CELF2: variants seen among roughly 807,000 people sequenced by gnomAD.
The protein encoded by CELF2 is CUGBP Elav-like family member 2.
CELF2 carries 8 observed loss-of-function variants against 62.6 expected under a neutral mutation model. That is an observed-to-expected ratio of 0.13 (90% CI 0.07 to 0.23). The LOEUF is 0.23. Ranked by LOEUF, CELF2 falls within the 10% of genes least tolerant of loss-of-function variation. CELF2 has a pLI of 1.00. For synonymous variants in CELF2, 258 were observed against 250.0 expected, an observed-to-expected ratio of 1.03 and a Z score of -0.30; for missense variants, 333 against 671.0, an observed-to-expected ratio of 0.50 and a Z score of 5.56.
chr10:10,827,832 A>G (rs184457907), intron 1 of CELF2, among the ~76,000 whole-genome samples: 1 of 152,286 alleles, frequency 6.6e-6, no homozygotes, highest in Admixed American at 6.5e-5. Context: ...AAAGAATGCA[A>G]ATCTTGAGTG....
chr10:10,827,961 T>C (rs963531363), intron 1 of CELF2, among the ~76,000 whole-genome samples: 9 of 108,766 alleles, frequency 8.3e-5, no homozygotes, highest in Non-Finnish European at 1.1e-4. Context: ...AAATCAAAAC[T>C]GCAAGATACC....
At position 11,039,114 on chromosome 10, in the gene CELF2, G is replaced by A. The variant is rs548393917; in HGVS notation, c.74+20951G>A. On this transcript the variant is annotated intron_variant, in intron 1 of 12. Transcript: ENST00000633077. The surrounding 1 kb of genome is among the most constrained non-coding windows in gnomAD (Gnocchi z 4.1). ...CTCATGGCATCGACCATGTAACGGC[G>A]ATAACAGCCGAGTCCTGTGTCAGCT... Among the ~76,000 whole-genome samples, 8 of 152,296 alleles carry A rather than the reference G, an allele frequency of 5.3e-5. No individual in the cohort carries two copies. The East Asian group carries it at 1.2e-3, about 22-fold the overall frequency.
At chr10:11,005,289 A>AGAGAGAGG (rs1564348949), upstream of CELF2, 18 of 1,556,676 alleles carry the variant, frequency 1.2e-5, no homozygotes, top group Admixed American at 1.4e-4. The surrounding 1 kb of genome is among the most constrained non-coding windows in gnomAD (Gnocchi z 4.3). Flanking sequence ...AGAGAGAGAG[A>AGAGAGAGG]GAGAGGGAGG....
At chr10:10,901,950 C>T (rs7096358) in intron 1 of CELF2, among the ~76,000 whole-genome samples, 3,873 of 152,182 alleles carry the variant, frequency 0.025, 173 homozygotes, top group African/African-American at 0.089. Flanking sequence ...AAAGAAGACA[C>T]GCAAATGTCA....
chr10:11,040,430 C>A (rs1329560671), intron 1 of CELF2, among the ~76,000 whole-genome samples: 1 of 152,122 alleles, frequency 6.6e-6, no homozygotes, highest in African/African-American at 2.4e-5. Flanking sequence ...GTTTATGGAA[C>A]TTTTAAAGGT....
At chr10:10,970,305 G>T (rs761531561) in intron 2 of CELF2, among the ~76,000 whole-genome samples, 1 of 152,036 alleles carries the variant, frequency 6.6e-6, no homozygotes, top group Non-Finnish European at 1.5e-5. Context: ...GGCCTCAAGC[G>T]ATCCGCCCAC....
At chr10:10,852,489 G>T (rs1050337254) in intron 1 of CELF2, among the ~76,000 whole-genome samples, 4 of 152,186 alleles carry the variant, frequency 2.6e-5, no homozygotes, top group Admixed American at 2.6e-4. Context: ...AGGACAGCAT[G>T]AGGAATGCTT....
chr10:11,091,182 G>A (rs2048222418), intron 1 of CELF2, among the ~76,000 whole-genome samples: 1 of 152,082 alleles, frequency 6.6e-6, no homozygotes, highest in Admixed American at 6.5e-5. Flanking sequence ...TAACATGTTA[G>A]GGCACAGCTG....
At chr10:11,111,329 A>C (rs1478009367) in intron 1 of CELF2, among the ~76,000 whole-genome samples, 2 of 152,234 alleles carry the variant, frequency 1.3e-5, no homozygotes, top group Non-Finnish European at 2.9e-5. Context: ...TGATATTTAA[A>C]AGTAAAGTAG....
At chr10:10,565,927 A>G in the CELF2 span, among the ~76,000 whole-genome samples, 1 of 152,178 alleles carries the variant, frequency 6.6e-6, no homozygotes, top group Non-Finnish European at 1.5e-5. Context: ...GCCGTACTTG[A>G]CTTTATGCTT....
chr10:10,502,585 G>A, the CELF2 span, among the ~76,000 whole-genome samples: 23 of 151,782 alleles, frequency 1.5e-4, no homozygotes, highest in African/African-American at 5.5e-4. Flanking sequence ...TTTCCTTATT[G>A]TACTTTTGAT....
chr10:10,511,558 T>C, the CELF2 span, among the ~76,000 whole-genome samples: 5 of 152,168 alleles, frequency 3.3e-5, no homozygotes, highest in Admixed American at 3.3e-4. Context: ...CAGATAATGA[T>C]AGTTAAGTAA....
At position 10,832,124 on chromosome 10, in the gene CELF2, CG is replaced by C. The variant is rs1352084876; in HGVS notation, c.53+33310del. On this transcript the variant is annotated intron_variant, in intron 1 of 13. Coordinates refer to the CELF2 transcript ENST00000636488. Reference sequence around the variant, plus strand: ...ATCTACTAAAAATACAAAAATTAGCCGGGAGTGGTGGCAAGTGCCTGTAGTC... The same window carrying C: ...ATCTACTAAAAATACAAAAATTAGCCGGAGTGGTGGCAAGTGCCTGTAGTC... Among the ~76,000 whole-genome samples the C allele has an allele frequency of 6.6e-5, 10 of 151,236 alleles. 1 individual carries two copies. Among genetic ancestry groups the C allele is most frequent in the African/African-American group, 2.2e-4 (9 of 41,160 alleles).
At chr10:10,940,897 C>T (rs2046978825) in intron 2 of CELF2, among the ~76,000 whole-genome samples, 1 of 152,164 alleles carries the variant, frequency 6.6e-6, no homozygotes, top group African/African-American at 2.4e-5. Context: ...ATGATTTCTA[C>T]ATGATTCAGT....
At chr10:10,848,288 A>G (rs2059143007) in intron 1 of CELF2, among the ~76,000 whole-genome samples, 2 of 152,142 alleles carry the variant, frequency 1.3e-5, no homozygotes, top group South Asian at 2.1e-4. Context: ...GAGTAGAGCT[A>G]TTTTACCCAT....
At chr10:11,001,696 A>G (rs1004264166), upstream of CELF2, among the ~76,000 whole-genome samples, 2 of 152,184 alleles carry the variant, frequency 1.3e-5, no homozygotes, top group Admixed American at 6.5e-5. Flanking sequence ...CTAAAAATGT[A>G]ATTTATACAG....
intron 1 of CELF2, among the ~76,000 whole-genome samples, chr10:10,840,669 TTCTC>T (rs1418932842): frequency 3.9e-5 from 6 of 152,298 alleles, no homozygotes; most frequent in South Asian, 2.1e-4. Flanking sequence ...TTTTGATTCT[TTCTC>T]TCTCTTTTTT....
At chr10:10,468,679 T>C in the CELF2 span, among the ~76,000 whole-genome samples, 1 of 151,922 alleles carries the variant, frequency 6.6e-6, no homozygotes, top group African/African-American at 2.4e-5. Context: ...ACAAGAAAAA[T>C]GTTTTCTTCA....
chr10:10,469,092 G>C, the CELF2 span, among the ~76,000 whole-genome samples: 4 of 151,836 alleles, frequency 2.6e-5, no homozygotes, highest in Non-Finnish European at 5.9e-5. Flanking sequence ...TAACGTTTTA[G>C]TGTCTTAATA....
Sources: gnomAD v4.1 joint callset for allele counts (sites outside exome capture counted in the v4.1 genomes callset) on GRCh38, gnomAD v4.1.1 for gene constraint, Gnocchi (gnomAD v3.1) non-coding constraint, MANE v1.5 for transcripts, NCBI Gene and HGNC (gene_info 2026-07-23, HGNC 2026-07-21) for gene names.